Variants in RASGEF1A observed in about 807,000 individuals in gnomAD.
RASGEF1A encodes the protein RasGEF domain family member 1A, also known as ras-GEF domain-containing family member 1A.
Under a neutral mutation model 56.4 loss-of-function variants are expected in RASGEF1A, and 18 were observed. That is an observed-to-expected ratio of 0.32 (90% CI 0.22 to 0.47). RASGEF1A has a LOEUF of 0.47. Ranked by LOEUF, RASGEF1A falls within the 20% of genes least tolerant of loss-of-function variation. RASGEF1A has a pLI of 1.00. For missense variants in RASGEF1A, 422 were observed against 627.1 expected (o/e 0.67, Z 3.49); for synonymous variants, 245 against 242.6 (o/e 1.01, Z -0.09).
intron 1 of RASGEF1A, among the ~76,000 whole-genome samples, chr10:43,209,691 C>CA (rs1191634456): frequency 1.1e-5 from 1 of 94,048 alleles, no homozygotes; most frequent in Non-Finnish European, 2.5e-5. Flanking sequence ...AGCCCCCCCA[C>CA]CAGGGCTAGG....
chr10:43,200,558 A>C, intron 5 of RASGEF1A, 109 bp downstream of exon 5: 1 of 1,009,214 alleles, frequency 9.9e-7, no homozygotes, highest in Non-Finnish European at 1.5e-6. Context: ...TGGCAAGCGC[A>C]CTTCCCTGAT....
intron 4 of RASGEF1A, among the ~76,000 whole-genome samples, chr10:43,201,440 G>A (rs1056985155): frequency 1.1e-4 from 16 of 152,172 alleles, no homozygotes; most frequent in African/African-American, 3.6e-4. Context: ...ATGGGAGACC[G>A]GTTTAAAGCC....
Position 43,196,518 on chromosome 10 carries a change from C to T in RASGEF1A, c.1379G>A (p.Gly460Asp). 6.2e-7 allele frequency: 1 copy of T among 1,613,970 alleles called. No homozygotes were observed. The highest frequency in any genetic ancestry group is 8.5e-7 in the Non-Finnish European group (1 of 1,180,020). The change falls in exon 12 of 13, where the codon GGT becomes GAT. Residue 460 changes from glycine (G) to aspartate (D), a missense_variant. Coordinates refer to ENST00000395810, the MANE Select transcript of RASGEF1A (RefSeq NM_145313.4). The surrounding 1 kb of genome is among the most constrained non-coding windows in gnomAD (Gnocchi z 4.6). ...GTCTTTTTCCATGTGGTTCTCGGGA[C>T]CCTCACTTTCAAAGGAGGCGACGAA... The part of the protein sequence containing the change: ...ALFVASFESE[G>D]PENHMEKDSW...
chr10:43,218,221 T>C (rs1166272148), intron 1 of RASGEF1A, among the ~76,000 whole-genome samples: 1 of 152,186 alleles, frequency 6.6e-6, no homozygotes, highest in South Asian at 2.1e-4. Flanking sequence ...CACACAGCTC[T>C]TGGGAGCTGG....
At chr10:43,238,035 G>A (rs1840453824) in intron 1 of RASGEF1A, among the ~76,000 whole-genome samples, 1 of 149,980 alleles carries the variant, frequency 6.7e-6, no homozygotes, top group South Asian at 2.1e-4. Flanking sequence ...TGACGCAGGT[G>A]TGCCTGAGAC....
intron 1 of RASGEF1A, among the ~76,000 whole-genome samples, chr10:43,256,857 G>A (rs953559651): frequency 6.6e-6 from 1 of 152,208 alleles, no homozygotes; most frequent in Non-Finnish European, 1.5e-5. Flanking sequence ...TTGGGGCCCA[G>A]CTGTTTCCTC....
At chr10:43,205,446 G>A (rs1301859101) in intron 2 of RASGEF1A, among the ~76,000 whole-genome samples, 1 of 152,178 alleles carries the variant, frequency 6.6e-6, no homozygotes, top group Non-Finnish European at 1.5e-5. Flanking sequence ...ACAGGGCAGG[G>A]CAGGCCGGGC....
chr10:43,266,185 T>C (rs1026963950), intron 1 of RASGEF1A, among the ~76,000 whole-genome samples: 1 of 151,746 alleles, frequency 6.6e-6, no homozygotes, highest in African/African-American at 2.4e-5. Flanking sequence ...CGCCCCCACC[T>C]CTCACTCACC....
intron 1 of RASGEF1A, among the ~76,000 whole-genome samples, chr10:43,252,722 G>C (rs980921800): frequency 6.6e-6 from 1 of 152,178 alleles, no homozygotes; most frequent in East Asian, 1.9e-4. Flanking sequence ...TTCAGGGCTC[G>C]GCTGCCAAAC....
intron 1 of RASGEF1A, among the ~76,000 whole-genome samples, chr10:43,218,973 T>G (rs756162602): frequency 2.6e-5 from 4 of 152,248 alleles, no homozygotes; most frequent in Non-Finnish European, 4.4e-5. Context: ...GGTTTCTGCC[T>G]CTCCCTTTTC....
rs989612572 is a variant in RASGEF1A at position 43,199,871 on chromosome 10, G to A, written c.757-103C>T. ...CCCCAGCTATGGCTCAGCCTGCACCGCAGCAGCCTCAATCATGCCTGCGTG... is the reference window on the plus strand; with the variant it reads ...CCCCAGCTATGGCTCAGCCTGCACCACAGCAGCCTCAATCATGCCTGCGTG... On this transcript the variant is annotated intron_variant, in intron 6 of 12. Coordinates refer to ENST00000395810, the MANE Select transcript of RASGEF1A (RefSeq NM_145313.4). 178 of 970,892 alleles carry A rather than the reference G, an allele frequency of 1.8e-4. 1 individual carries two copies. The highest frequency in any genetic ancestry group is 2.6e-4 in the Non-Finnish European group (163 of 628,830). 60.1% of individuals were successfully genotyped at this position (970,892 alleles called of 1,614,324 possible). A position where few individuals can be genotyped will look rare whatever the true frequency, so the allele number is the denominator to read the frequency against.
rs77777509 is a variant in RASGEF1A at position 43,262,035 on chromosome 10, G to A, written c.-7+4810C>T. Among the ~76,000 whole-genome samples the A allele has an allele frequency of 8.8e-3, 1,333 of 152,250 alleles. 55 individuals carry two copies. The East Asian group carries it at 0.096, about 11-fold the overall frequency. On this transcript the variant is annotated intron_variant, in intron 1 of 12. Coordinates refer to ENST00000395810, the MANE Select transcript of RASGEF1A (RefSeq NM_145313.4). Reference sequence around the variant, plus strand: ...CTGCCCCAGTGCCCCAGCTGTGGCTGGGGTCCAGGACACACCCGGATGCAC... The same window carrying A: ...CTGCCCCAGTGCCCCAGCTGTGGCTAGGGTCCAGGACACACCCGGATGCAC...
chr10:43,229,682 T>A lies in RASGEF1A; in HGVS notation c.-6-23560A>T, dbSNP rs1435331820. The A allele has an allele frequency of 3.4e-6, 5 of 1,469,450 alleles. No individual in the cohort carries two copies. In the African/African-American group the frequency reaches 7.4e-5, roughly 22 times the overall value. The allele number at this position is 1,469,450 out of a possible 1,614,324, so 91.0% of individuals were successfully genotyped here. ...TGGCCGCCGGCTCCCCGCGCCGTCC[T>A]GCCCGGTCCGGCGTCCAGCGAGCGG... On this transcript the variant is annotated intron_variant, in intron 1 of 12. Coordinates refer to ENST00000395810, the MANE Select transcript of RASGEF1A (RefSeq NM_145313.4).
At chr10:43,228,411 C>G (rs754249776) in intron 1 of RASGEF1A, among the ~76,000 whole-genome samples, 1 of 152,156 alleles carries the variant, frequency 6.6e-6, no homozygotes, top group Admixed American at 6.5e-5. Context: ...ATTGGAGGTC[C>G]GAATGAAACG....
At chr10:43,199,601 T>A (rs1254964) in intron 7 of RASGEF1A, 75 bp downstream of exon 7, 2 of 1,224,964 alleles carry the variant, frequency 1.6e-6, no homozygotes, top group Admixed American at 3.5e-5. Context: ...CATCATCTAA[T>A]TCCTGGGGCA....
At chr10:43,259,066 C>A (rs1836479152) in intron 1 of RASGEF1A, among the ~76,000 whole-genome samples, 1 of 152,244 alleles carries the variant, frequency 6.6e-6, no homozygotes, top group Non-Finnish European at 1.5e-5. Context: ...ATCAGTCAGT[C>A]CTTCCCTGGA....
At chr10:43,203,979 G>C (rs1238281483) in intron 2 of RASGEF1A, among the ~76,000 whole-genome samples, 3 of 149,894 alleles carry the variant, frequency 2.0e-5, no homozygotes, top group African/African-American at 7.3e-5. Context: ...AATGCTGGTG[G>C]GGGCCCCTGC....
intron 1 of RASGEF1A, among the ~76,000 whole-genome samples, chr10:43,227,667 C>G (rs1375340687): frequency 1.3e-5 from 2 of 152,094 alleles, no homozygotes; most frequent in Non-Finnish European, 2.9e-5. Flanking sequence ...GCAAGCCAGG[C>G]TCTGCATGAG....
At chr10:43,248,164 T>C (rs1241423353) in intron 1 of RASGEF1A, among the ~76,000 whole-genome samples, 1 of 151,718 alleles carries the variant, frequency 6.6e-6, no homozygotes, top group Non-Finnish European at 1.5e-5. Context: ...GAGACCAGCC[T>C]GACAAACATG....
Sources: allele counts gnomAD v4.1 joint callset (sites outside exome capture counted in the v4.1 genomes callset), GRCh38; gene constraint gnomAD v4.1.1; non-coding constraint Gnocchi (gnomAD v3.1); transcripts MANE v1.5; gene names NCBI Gene and HGNC (gene_info 2026-07-23, HGNC 2026-07-21).